Variants in TMEM52 observed in about 807,000 individuals in gnomAD.
TMEM52 encodes the protein transmembrane protein 52.
In TMEM52, 14 loss-of-function variants were observed where a neutral mutation model predicts 16.2. The observed-to-expected ratio is 0.87, with a 90% CI of 0.57 to 1.35. TMEM52 has a LOEUF of 1.35. Ranked by LOEUF, TMEM52 falls within the 40% of genes most tolerant of loss-of-function variation. The pLI, the probability that TMEM52 is intolerant of heterozygous loss-of-function variation, is 0.00. For missense variants in TMEM52, 309 were observed against 278.6 expected (o/e 1.11, Z -0.78); for synonymous variants, 136 against 124.7 (o/e 1.09, Z -0.60).
In TMEM52 at chr1:1,918,334, G is replaced by A; in HGVS notation, c.268C>T (p.His90Tyr). The change falls in exon 4 of 5, where the codon CAT (histidine) becomes TAT (tyrosine). Residue 90 changes from histidine to tyrosine, a missense_variant. His to Tyr is a moderately conservative substitution (Grantham distance 83). Coordinates refer to ENST00000310991, the MANE Select transcript of TMEM52 (RefSeq NM_178545.4). ...CLRKQAQAQP[H>Y]LPPARQPCDV... ...CAGGGCTGCCGTGCTGGTGGCAGAT[G>A]TGGCTGGGCCTGTGCCTGCTTCCGG... The A allele has an allele frequency of 6.2e-7, 1 of 1,612,938 alleles. No homozygotes were observed. The highest frequency in any genetic ancestry group is 1.1e-5 in the South Asian group (1 of 91,080).
rs758252418 is a variant in TMEM52, at chr1:1,919,252, G to T, written c.14C>A (p.Pro5Gln). Residue 5 changes from proline (P) to glutamine (Q), a missense_variant, in exon 1 of 5, where the codon CCG becomes CAG. Transcript: ENST00000310991. MARG[P>Q]LAARGLRLLL... ...CAGCCGCAGTCCGCGGGCGGCCAGC[G>T]GCCCCCGGGCCATGCTCTGAGGAGG... 244 of 1,365,472 alleles carry T rather than the reference G, an allele frequency of 1.8e-4. No homozygotes were observed. The highest frequency in any genetic ancestry group is 2.2e-4 in the Non-Finnish European group (237 of 1,067,764). The allele number at this position is 1,365,472 out of a possible 1,614,324, so 84.6% of individuals were successfully genotyped here. A position where few individuals can be genotyped will look rare whatever the true frequency, so the allele number is the denominator to read the frequency against.
chr1:1,918,216 A>G (rs369846709), intron 4 of TMEM52, 37 bp downstream of exon 4: 72 of 1,607,888 alleles, frequency 4.5e-5, no homozygotes, highest in Non-Finnish European at 5.9e-5. Flanking sequence ...TACCCCCGCC[A>G]TCTCCACCCT....
At position 1,919,226 on chromosome 1, in the gene TMEM52, G is replaced by C. The variant is rs1265104933; in HGVS notation, c.40C>G (p.Leu14Val). ...GGCAGGAGCGGCAGGAGCGGCAGCA[G>C]CAGCCGCAGTCCGCGGGCGGCCAGC... ...GPLAARGLRLLLPLLPLLPLL... is the reference protein window; with the variant it reads ...GPLAARGLRLVLPLLPLLPLL... Residue 14 changes from leucine to valine, a missense_variant, in exon 1 of 5, where the codon CTG becomes GTG. By Grantham distance (32) the Leu-to-Val change is conservative. Coordinates refer to ENST00000310991, the MANE Select transcript of TMEM52 (RefSeq NM_178545.4). The C allele has an allele frequency of 3.7e-6, 5 of 1,366,038 alleles. No homozygotes were observed. The highest frequency in any genetic ancestry group is 4.7e-6 in the Non-Finnish European group (5 of 1,067,288). 84.6% of individuals were successfully genotyped at this position (1,366,038 alleles called of 1,614,324 possible).
chr1:1,918,048 G>C lies in TMEM52; in HGVS notation c.464C>G (p.Pro155Arg), dbSNP rs1282206389. 1 of 1,613,890 alleles carries C rather than the reference G, an allele frequency of 6.2e-7. No individual in the cohort carries two copies. The highest frequency in any genetic ancestry group is 8.5e-7 in the Non-Finnish European group (1 of 1,180,016). Residue 155 changes from proline (P) to arginine (R), a missense_variant, in exon 5 of 5, where the codon CCC becomes CGC. Coordinates refer to ENST00000310991, the MANE Select transcript of TMEM52 (RefSeq NM_178545.4). ...CATCTTGACAGCTTCATCGTAGGAGGGTGGAGGCTCCGGGGTGTACAGGCT... is the reference window on the plus strand; with the variant it reads ...CATCTTGACAGCTTCATCGTAGGAGCGTGGAGGCTCCGGGGTGTACAGGCT... ...AYSLYTPEPP[P>R]SYDEAVKMAK...
chr1:1,918,230 C>A, intron 4 of TMEM52, 23 bp downstream of exon 4: 1 of 1,608,214 alleles, frequency 6.2e-7, no homozygotes, highest in South Asian at 1.1e-5. Flanking sequence ...CCACCCTCAA[C>A]TGGCGGGCCC....
rs1265176622 is a variant in TMEM52 at position 1,917,981 on chromosome 1, G to A, written c.531C>T (p.Pro177=). The A allele has an allele frequency of 1.2e-6, 2 of 1,613,978 alleles. No homozygotes were observed. Among genetic ancestry groups the A allele is most frequent in the Non-Finnish European group, 1.7e-6 (2 of 1,180,028 alleles). ...REEGPALSQK[P]SPLLGASGLE... ...GGCCCGAGGCCCCAAGGAGAGGGCT[G>A]GGTTTCTGGGAGAGTGCTGGTCCTT... The change falls in exon 5 of 5, where the codon CCC becomes CCT. Residue 177 remains proline, a synonymous_variant. Transcript: ENST00000310991.
At position 1,918,237 on chromosome 1, in the gene TMEM52, G is replaced by A. The variant is rs760520081; in HGVS notation, c.349+16C>T. 2 of 1,608,500 alleles carry A rather than the reference G, an allele frequency of 1.2e-6. No individual in the cohort carries two copies. The highest frequency in any genetic ancestry group is 1.7e-5 in the Admixed American group (1 of 59,918). On this transcript the variant is annotated intron_variant, in intron 4 of 4. Coordinates refer to ENST00000310991, the MANE Select transcript of TMEM52 (RefSeq NM_178545.4). ...CGCCATCTCCACCCTCAACTGGCGG[G>A]CCCCTAGGCACTCACAGGTCACAGT... is the stretch of plus-strand genomic sequence containing the variant.
At position 1,918,793 on chromosome 1, in the gene TMEM52, G is replaced by A. The variant is rs951790356; in HGVS notation, c.170+100C>T. On this transcript the variant is annotated intron_variant, in intron 3 of 4. Transcript: ENST00000310991. ...CGCCAGCGGCCGGGACTGGGCGACA[G>A]CGGAGGCGGCCTGGTGAGGTAAGGG... 1.0e-5 allele frequency: 14 copies of A among 1,369,242 alleles called. No individual in the cohort carries two copies. The African/African-American group carries it at 2.1e-4, about 20-fold the overall frequency. 84.8% of individuals were successfully genotyped at this position (1,369,242 alleles called of 1,614,324 possible).
In TMEM52 at chr1:1,918,112, C is replaced by G; in HGVS notation, c.400G>C (p.Gly134Arg). The stretch of plus-strand genomic sequence containing the variant: ...GCCATGGAGTCCAGGTCCAGCTCCC[C>G]AAAGGGCAGGGGCAACCGCATGCCC... The part of the protein sequence containing the change: ...PLGMRLPLPF[G>R]ELDLDSMAPP... Residue 134 changes from glycine to arginine, a missense_variant, in exon 5 of 5, where the codon GGG becomes CGG. Coordinates refer to ENST00000310991, the MANE Select transcript of TMEM52 (RefSeq NM_178545.4). 1 of 1,613,072 alleles carries G rather than the reference C, an allele frequency of 6.2e-7. No individual in the cohort carries two copies. Among genetic ancestry groups the G allele is most frequent in the Non-Finnish European group, 8.5e-7 (1 of 1,179,694 alleles).
Position 1,919,262 on chromosome 1 carries a change from C to G in TMEM52, c.4G>C (p.Ala2Pro). 1.1e-5 allele frequency: 15 copies of G among 1,373,604 alleles called. No individual in the cohort carries two copies. Among genetic ancestry groups the G allele is most frequent in the Non-Finnish European group, 1.4e-5 (15 of 1,072,646 alleles). The allele number at this position is 1,373,604 out of a possible 1,614,324, so 85.1% of individuals were successfully genotyped here. Residue 2 changes from alanine (A) to proline (P), a missense_variant, in exon 1 of 5, where the codon GCC (alanine) becomes CCC (proline). Ala to Pro is a conservative substitution (Grantham distance 27). Coordinates refer to ENST00000310991, the MANE Select transcript of TMEM52 (RefSeq NM_178545.4). ...CCGCGGGCGGCCAGCGGCCCCCGGG[C>G]CATGCTCTGAGGAGGTTGGAGCAAA... is the stretch of plus-strand genomic sequence containing the variant. MARGPLAARGLR... is the reference protein window; with the variant it reads MPRGPLAARGLR...
chr1:1,918,882 C>A lies in TMEM52; in HGVS notation c.170+11G>T. 6.9e-7 allele frequency: 1 copy of A among 1,443,026 alleles called. No homozygotes were observed. Among genetic ancestry groups the A allele is most frequent in the East Asian group, 2.7e-5 (1 of 37,262 alleles). The allele number at this position is 1,443,026 out of a possible 1,614,324, so 89.4% of individuals were successfully genotyped here. A position where few individuals can be genotyped will look rare whatever the true frequency, so the allele number is the denominator to read the frequency against. ...CGTCGGACGCACGGCTCCGCCGCGGCCTCCACTTACCCCACGTGCCACAGG... is the reference window on the plus strand; with the variant it reads ...CGTCGGACGCACGGCTCCGCCGCGGACTCCACTTACCCCACGTGCCACAGG... On this transcript the variant is annotated intron_variant, in intron 3 of 4. Transcript: ENST00000310991.
intron 3 of TMEM52, chr1:1,918,659 T>A: frequency 1.5e-6 from 1 of 685,440 alleles, no homozygotes; most frequent in East Asian, 2.7e-5. Flanking sequence ...CTCCCAGGAC[T>A]CGCTGTCCTC....
Position 1,918,352 on chromosome 1 carries a change from G to A in TMEM52, c.250C>T (p.Gln84Ter). 1.2e-6 allele frequency: 2 copies of A among 1,612,760 alleles called. No homozygotes were observed. Among genetic ancestry groups the A allele is most frequent in the Admixed American group, 1.7e-5 (1 of 60,008 alleles). The change falls in exon 4 of 5, where the codon CAG (glutamine) becomes TAG (stop). Residue 84 changes from glutamine (Q) to a stop codon, truncating the protein, a stop_gained. Transcript: ENST00000310991. LOFTEE classifies it high-confidence loss of function. ...GCVRFCCLRK[Q>*]AQAQPHLPPA... ...GGCAGATGTGGCTGGGCCTGTGCCT[G>A]CTTCCGGAGGCAGCAGAACCGGACA...
intron 3 of TMEM52, 99 bp from the exon 4 acceptor site, chr1:1,918,530 G>A: frequency 1.9e-6 from 2 of 1,070,058 alleles, no homozygotes; most frequent in Non-Finnish European, 2.8e-6. Context: ...AGGTTAACAG[G>A]ATAAAAAGCA....
rs573969023 is a variant in TMEM52 at position 1,918,252 on chromosome 1, C to T, written c.349+1G>A. 1.0e-4 allele frequency: 167 copies of T among 1,609,048 alleles called. 1 individual carries two copies. The South Asian group carries it at 1.8e-3, about 17-fold the overall frequency. Reference sequence around the variant, plus strand: ...CAACTGGCGGGCCCCTAGGCACTCACAGGTCACAGTGCTGTGTACAGGGCT... The same window carrying T: ...CAACTGGCGGGCCCCTAGGCACTCATAGGTCACAGTGCTGTGTACAGGGCT... On this transcript the variant is annotated splice_donor_variant, in intron 4 of 4. Transcript: ENST00000310991. LOFTEE classifies it high-confidence loss of function.
intron 3 of TMEM52, 196 bp from the exon 4 acceptor site, chr1:1,918,627 G>C: frequency 1.4e-6 from 1 of 716,458 alleles, no homozygotes; most frequent in African/African-American, 1.8e-5. Flanking sequence ...TCCTGGGCTG[G>C]CCAGGGGTGG....
At position 1,917,783 on chromosome 1, in the gene TMEM52, G is replaced by A. The variant is rs1393796053; in HGVS notation, c.*99C>T. ...CCAGGGGCCGGTGTAACATGGCACC[G>A]AGGTTGGGGCCACAGCAATGTGTGG... On this transcript the variant is annotated 3_prime_UTR_variant, in exon 5 of 5. Coordinates refer to ENST00000310991, the MANE Select transcript of TMEM52 (RefSeq NM_178545.4). The A allele has an allele frequency of 3.0e-6, 4 of 1,352,096 alleles. No individual in the cohort carries two copies. The highest frequency in any genetic ancestry group is 2.1e-5 in the Admixed American group (1 of 48,132). The allele number at this position is 1,352,096 out of a possible 1,614,324, so 83.8% of individuals were successfully genotyped here.
In TMEM52 at chr1:1,917,616, T is replaced by G; in HGVS notation, c.*266A>C. ...CCACTTAAATACAAACTTTATTCTC[T>G]CTCCAAGAAGATGCAGACGTCACAG... On this transcript the variant is annotated 3_prime_UTR_variant, in exon 5 of 5. Transcript: ENST00000310991. The G allele has an allele frequency of 7.0e-6, 4 of 569,240 alleles. No individual in the cohort carries two copies. The highest frequency in any genetic ancestry group is 9.4e-6 in the Non-Finnish European group (3 of 320,486). The allele number at this position is 569,240 out of a possible 1,614,324, so 35.3% of individuals were successfully genotyped here.
At position 1,917,808 on chromosome 1, in the gene TMEM52, G is replaced by A. The variant is rs1186906254; in HGVS notation, c.*74C>T. 2.4e-5 allele frequency: 36 copies of A among 1,508,362 alleles called. No homozygotes were observed. The highest frequency in any genetic ancestry group is 3.2e-5 in the Non-Finnish European group (35 of 1,104,508). 93.4% of individuals were successfully genotyped at this position (1,508,362 alleles called of 1,614,324 possible). ...GAGGTTGGGGCCACAGCAATGTGTG[G>A]GACGGTGGGGTGGGCTGGGGCCCTT... On this transcript the variant is annotated 3_prime_UTR_variant, in exon 5 of 5. Coordinates refer to ENST00000310991, the MANE Select transcript of TMEM52 (RefSeq NM_178545.4).
Sources: allele counts gnomAD v4.1 joint callset, GRCh38; gene constraint gnomAD v4.1.1; transcripts MANE v1.5; gene names NCBI Gene and HGNC (gene_info 2026-07-23, HGNC 2026-07-21).